The following CFAP97D2 variants were observed in gnomAD, a reference collection of about 807,000 sequenced individuals.
CFAP97D2 encodes CFAP97 domain containing 2.
At chr13:114,191,108 CA>C (rs1274173175) in intron 1 of CFAP97D2, among the ~76,000 whole-genome samples, 1 of 151,196 alleles carries the variant, frequency 6.6e-6, no homozygotes, top group Non-Finnish European at 1.5e-5. Context: ...ATTTAAAATG[CA>C]AAAAAAGTAT....
Position 114,186,741 on chromosome 13 carries a change from G to C in CFAP97D2, c.90+7321G>C, listed in dbSNP as rs2080854266. On this transcript the variant is annotated intron_variant, in intron 1 of 4. Transcript: ENST00000646158. The surrounding 1 kb of genome is among the most constrained non-coding windows in gnomAD (Gnocchi z 4.3). The stretch of plus-strand genomic sequence containing the variant: ...TGGTCCAGGCACAGCCTCGCAGTGA[G>C]CCAGCACCCATGCTGGCACCTGGAG... Among the ~76,000 whole-genome samples, 2 of 152,202 alleles carry C rather than the reference G, an allele frequency of 1.3e-5. No homozygotes were observed. Among genetic ancestry groups the C allele is most frequent in the South Asian group, 4.1e-4 (2 of 4,834 alleles).
At chr13:114,208,648 T>C (rs1387844651) in intron 3 of CFAP97D2, among the ~76,000 whole-genome samples, 1 of 152,216 alleles carries the variant, frequency 6.6e-6, no homozygotes, top group African/African-American at 2.4e-5. Context: ...CCAATTATAA[T>C]GGAAGAAAAT....
intron 2 of CFAP97D2, among the ~76,000 whole-genome samples, chr13:114,197,602 A>G (rs1458786997): frequency 2.6e-5 from 4 of 152,074 alleles, no homozygotes; most frequent in African/African-American, 9.7e-5. Flanking sequence ...CACAGTGACA[A>G]TTTATTCAGT....
intron 1 of CFAP97D2, among the ~76,000 whole-genome samples, chr13:114,183,611 T>C (rs1253455901): frequency 6.6e-6 from 1 of 152,094 alleles, no homozygotes; most frequent in Non-Finnish European, 1.5e-5. Context: ...CATCCTCATA[T>C]GGTGAAAGGA....
rs2080854567 is a variant in CFAP97D2, at chr13:114,186,848, C to T, written c.90+7428C>T. On this transcript the variant is annotated intron_variant, in intron 1 of 4. Transcript: ENST00000646158. This position sits in a 1 kb window ranked among gnomAD's most constrained non-coding sequence, Gnocchi z 4.3. ...ACTCACTCACTCACACACCCCTCGCCACTCCACTCCAGTCTCTTCAGAGGG... is the reference window on the plus strand; with the variant it reads ...ACTCACTCACTCACACACCCCTCGCTACTCCACTCCAGTCTCTTCAGAGGG... 6.6e-6 allele frequency among the ~76,000 whole-genome samples: 1 copy of T among 152,234 alleles called. No homozygotes were observed. Among genetic ancestry groups the T allele is most frequent in the Non-Finnish European group, 1.5e-5 (1 of 68,042 alleles).
intron 4 of CFAP97D2, among the ~76,000 whole-genome samples, chr13:114,219,495 AG>A (rs1469379399): frequency 1.3e-5 from 2 of 152,222 alleles, no homozygotes; most frequent in African/African-American, 4.8e-5. Context: ...TTTATGTAAC[AG>A]GAAACAGATA....
intron 1 of CFAP97D2, among the ~76,000 whole-genome samples, chr13:114,182,129 A>G (rs574855317): frequency 8.3e-4 from 123 of 148,134 alleles, no homozygotes; most frequent in Middle Eastern, 3.4e-3. Context: ...AAAGGAAAGT[A>G]GTAGGAGAGC....
At chr13:114,202,097 T>C (rs1171756587) in intron 3 of CFAP97D2, among the ~76,000 whole-genome samples, 1 of 152,234 alleles carries the variant, frequency 6.6e-6, no homozygotes, top group Non-Finnish European at 1.5e-5. Flanking sequence ...TTTATGTGTA[T>C]AGGTTCATCA....
chr13:114,211,685 G>A lies in CFAP97D2; in HGVS notation c.291-227G>A, dbSNP rs146357513. On this transcript the variant is annotated intron_variant, in intron 3 of 4. Coordinates refer to ENST00000646158, the Ensembl canonical transcript of CFAP97D2. This position sits in a 1 kb window ranked among gnomAD's most constrained non-coding sequence, Gnocchi z 4.2. ...TCACCCTGAAAACGCCCCTCCCGCC[G>A]TGCAAAGCGAGCGCGCCGGGGCTGA... Among the ~76,000 whole-genome samples the A allele has an allele frequency of 3.3e-4, 51 of 152,300 alleles. No homozygotes were observed. Among genetic ancestry groups the A allele is most frequent in the East Asian group, 1.9e-3 (10 of 5,180 alleles).
chr13:114,195,996 T>G (rs945181112), intron 1 of CFAP97D2, among the ~76,000 whole-genome samples: 1 of 144,162 alleles, frequency 6.9e-6, no homozygotes, highest in Non-Finnish European at 1.5e-5. Flanking sequence ...GGCAGGAGAA[T>G]GGCATGAACC....
At chr13:114,209,467 TC>T (rs1364718686) in intron 3 of CFAP97D2, among the ~76,000 whole-genome samples, 2 of 152,232 alleles carry the variant, frequency 1.3e-5, no homozygotes, top group African/African-American at 2.4e-5. Context: ...CAGGGGCCCT[TC>T]CTGGTATGTG....
chr13:114,187,351 T>TA lies in CFAP97D2; in HGVS notation c.90+7941dup, dbSNP rs369672931. Among the ~76,000 whole-genome samples the TA allele has an allele frequency of 8.2e-5, 12 of 146,954 alleles. No homozygotes were observed. Among genetic ancestry groups the TA allele is most frequent in the South Asian group, 4.3e-4 (2 of 4,646 alleles). ...TATTAATCACTTTGTAAGAGTAGATTAAAAAAAAAAGGCCCAACTATATGT... is the reference window on the plus strand; with the variant it reads ...TATTAATCACTTTGTAAGAGTAGATTAAAAAAAAAAAGGCCCAACTATATGT... On this transcript the variant is annotated intron_variant, in intron 1 of 4. Transcript: ENST00000646158. The surrounding 1 kb of genome is among the most constrained non-coding windows in gnomAD (Gnocchi z 4.2).
intron 1 of CFAP97D2, among the ~76,000 whole-genome samples, chr13:114,191,097 A>C (rs1329354844): frequency 6.6e-6 from 1 of 152,234 alleles, no homozygotes; most frequent in Non-Finnish European, 1.5e-5. Flanking sequence ...CATAGACATA[A>C]ATTTAAAATG....
rs1038894935 is a variant in CFAP97D2, at chr13:114,189,424, A to C, written c.91-6972A>C. On this transcript the variant is annotated intron_variant, in intron 1 of 4. Coordinates refer to ENST00000646158, the Ensembl canonical transcript of CFAP97D2. The surrounding 1 kb of genome is among the most constrained non-coding windows in gnomAD (Gnocchi z 4.5). ...AACATTTAAGGAAGAAATTTTACCT[A>C]TTCTCTACAATCGCTTTCAGAGGAC... Among the ~76,000 whole-genome samples, 1 of 152,198 alleles carries C rather than the reference A, an allele frequency of 6.6e-6. No homozygotes were observed.
chr13:114,220,118 T>C (rs1380339976), intron 4 of CFAP97D2, among the ~76,000 whole-genome samples: 1 of 152,130 alleles, frequency 6.6e-6, no homozygotes, highest in African/African-American at 2.4e-5. Flanking sequence ...AAATGCTAAG[T>C]GTTATGAGAC....
chr13:114,216,003 G>A (rs1422144636), intron 4 of CFAP97D2, among the ~76,000 whole-genome samples: 2 of 152,122 alleles, frequency 1.3e-5, no homozygotes, highest in Admixed American at 6.5e-5. Context: ...TAACAATCCC[G>A]CACATGTCTT....
chr13:114,179,366 C>T lies in CFAP97D2; in HGVS notation c.36C>T (p.Ala12=). 2 of 398,676 alleles carry T rather than the reference C, an allele frequency of 5.0e-6. No individual in the cohort carries two copies. The highest frequency in any genetic ancestry group is 8.8e-6 in the Non-Finnish European group (2 of 226,146). 24.7% of individuals were successfully genotyped at this position (398,676 alleles called of 1,614,324 possible). A position where few individuals can be genotyped will look rare whatever the true frequency, so the allele number is the denominator to read the frequency against. ...CCCCCCGGCTGACCTTTCCCTGTGC[C>T]AGTGAGTACCTGTGGCATGCAAGGG... The change falls in exon 1 of 5, where the codon GCC becomes GCT. Residue 12 remains alanine (A), a synonymous_variant. Transcript: ENST00000646158. This position sits in a 1 kb window ranked among gnomAD's most constrained non-coding sequence, Gnocchi z 4.8.
chr13:114,192,264 T>C (rs1288039370), intron 1 of CFAP97D2, among the ~76,000 whole-genome samples: 1 of 152,276 alleles, frequency 6.6e-6, no homozygotes, highest in South Asian at 2.1e-4. Context: ...GGTTCATCGA[T>C]TGTAACAAAC....
chr13:114,180,888 G>A (rs949903291), intron 1 of CFAP97D2, among the ~76,000 whole-genome samples: 3 of 152,242 alleles, frequency 2.0e-5, no homozygotes, highest in African/African-American at 7.2e-5. Flanking sequence ...CTGAGAAACT[G>A]TAAGGTAAAG....
Sources: gnomAD v4.1 joint callset for allele counts (sites outside exome capture counted in the v4.1 genomes callset) on GRCh38, gnomAD v4.1.1 for gene constraint, Gnocchi (gnomAD v3.1) non-coding constraint, MANE v1.5 for transcripts, NCBI Gene and HGNC (gene_info 2026-07-23, HGNC 2026-07-21) for gene names.